Variants in LINC00305 observed in about 807,000 individuals in gnomAD.
LINC00305 encodes long intergenic non-protein coding RNA 305.
At chr18:64,112,488 T>C (rs1206738709) in intron 1 of LINC00305, among the ~76,000 whole-genome samples, 1 of 152,188 alleles carries the variant, frequency 6.6e-6, no homozygotes, top group African/African-American at 2.4e-5. Flanking sequence ...CATATGCATT[T>C]TCCTCAAAGA....
chr18:64,123,278 T>C (rs2051370159), intron 1 of LINC00305, among the ~76,000 whole-genome samples: 1 of 152,120 alleles, frequency 6.6e-6, no homozygotes, highest in African/African-American at 2.4e-5. Context: ...CCCTAGTTTA[T>C]CTCTTCTCTT....
chr18:64,139,187 A>G (rs150690351), intron 1 of LINC00305, among the ~76,000 whole-genome samples: 72 of 152,350 alleles, frequency 4.7e-4, no homozygotes, highest in African/African-American at 1.5e-3. Flanking sequence ...TAATCTCCTG[A>G]AAATCAAGGA....
chr18:64,121,309 G>A (rs768296251), intron 1 of LINC00305, among the ~76,000 whole-genome samples: 11 of 151,964 alleles, frequency 7.2e-5, no homozygotes, highest in Middle Eastern at 3.4e-3. Flanking sequence ...AATAACGTAC[G>A]CTGTACCCCA....
intron 1 of LINC00305, among the ~76,000 whole-genome samples, chr18:64,112,011 A>C (rs553009832): frequency 4.1e-4 from 63 of 152,264 alleles, no homozygotes; most frequent in Non-Finnish European, 7.8e-4. Context: ...TTTCCCCTTA[A>C]TATGTCGTGT....
chr18:64,125,125 G>A (rs1418007919), intron 1 of LINC00305, among the ~76,000 whole-genome samples: 4 of 152,052 alleles, frequency 2.6e-5, no homozygotes, highest in Non-Finnish European at 5.9e-5. Flanking sequence ...TTGAAATCTT[G>A]CTAAGACATG....
intron 1 of LINC00305, among the ~76,000 whole-genome samples, chr18:64,130,121 C>T (rs2051402909): frequency 6.6e-6 from 1 of 152,108 alleles, no homozygotes; most frequent in Admixed American, 6.6e-5. Flanking sequence ...CTACAACACT[C>T]TCTTTTACCC....
intron 1 of LINC00305, among the ~76,000 whole-genome samples, chr18:64,133,658 T>C (rs2051419859): frequency 1.3e-5 from 2 of 152,160 alleles, no homozygotes; most frequent in Non-Finnish European, 2.9e-5. Context: ...CACAGGCCTA[T>C]TTCTAGAGCC....
intron 1 of LINC00305, among the ~76,000 whole-genome samples, chr18:64,144,222 T>G (rs1339861629): frequency 1.3e-5 from 2 of 152,206 alleles, no homozygotes; most frequent in African/African-American, 4.8e-5. Context: ...TTATTTATGC[T>G]CTATAGAATT....
At chr18:64,143,390 A>T (rs906386350) in intron 1 of LINC00305, among the ~76,000 whole-genome samples, 1 of 151,432 alleles carries the variant, frequency 6.6e-6, no homozygotes, top group Non-Finnish European at 1.5e-5. Flanking sequence ...AAAAGCATTG[A>T]TGGTGTGTGT....
At chr18:64,130,976 T>C (rs1379196927) in intron 1 of LINC00305, among the ~76,000 whole-genome samples, 1 of 152,108 alleles carries the variant, frequency 6.6e-6, no homozygotes, top group Non-Finnish European at 1.5e-5. Context: ...ACAGAGGTGG[T>C]TGGCCATGGA....
intron 1 of LINC00305, among the ~76,000 whole-genome samples, chr18:64,116,476 C>G (rs1312091830): frequency 6.6e-6 from 1 of 152,190 alleles, no homozygotes; most frequent in African/African-American, 2.4e-5. Flanking sequence ...TTGAGTTCCT[C>G]TGTTTCTGCA....
chr18:64,106,052 G>T (rs937524273), intron 1 of LINC00305, among the ~76,000 whole-genome samples: 1 of 152,214 alleles, frequency 6.6e-6, no homozygotes, highest in Admixed American at 6.5e-5. Flanking sequence ...GGGAATACTA[G>T]CAATTTGTCA....
At chr18:64,138,515 C>G (rs1379108652) in intron 1 of LINC00305, among the ~76,000 whole-genome samples, 6 of 152,162 alleles carry the variant, frequency 3.9e-5, no homozygotes, top group East Asian at 3.8e-4. Context: ...GTTGACAGCC[C>G]TTTCTCAAGT....
intron 1 of LINC00305, among the ~76,000 whole-genome samples, chr18:64,103,482 C>T (rs12326601): frequency 0.26 from 39,070 of 152,066 alleles, 5,165 homozygotes; most frequent in Middle Eastern, 0.39. Flanking sequence ...GTCTTCAGCA[C>T]TCTCCAGTTT....
chr18:64,126,194 A>T (rs79074924), intron 1 of LINC00305, among the ~76,000 whole-genome samples: 58 of 152,134 alleles, frequency 3.8e-4, no homozygotes, highest in African/African-American at 1.3e-3. Flanking sequence ...CTCCTTCTTG[A>T]ATCTTCCCTC....
intron 1 of LINC00305, among the ~76,000 whole-genome samples, chr18:64,115,804 C>T (rs367983100): frequency 1.3e-3 from 192 of 152,220 alleles, no homozygotes; most frequent in Non-Finnish European, 2.1e-3. Context: ...TTAAAAGCTT[C>T]TTGCCAGTTT....
intron 3 of LINC00305, among the ~76,000 whole-genome samples, chr18:64,093,200 A>G (rs886368616): frequency 1.3e-5 from 2 of 152,254 alleles, no homozygotes; most frequent in Non-Finnish European, 2.9e-5. Context: ...ATGTATAAGT[A>G]TCTAGAGATA....
intron 1 of LINC00305, among the ~76,000 whole-genome samples, chr18:64,111,369 AG>A (rs2051313952): frequency 1.3e-5 from 2 of 152,178 alleles, no homozygotes; most frequent in African/African-American, 4.8e-5. Context: ...CTGTATGCCC[AG>A]ATTCCAGCCT....
At chr18:64,105,487 A>G (rs910860485) in intron 1 of LINC00305, among the ~76,000 whole-genome samples, 1 of 152,154 alleles carries the variant, frequency 6.6e-6, no homozygotes, top group Admixed American at 6.6e-5. Context: ...AAAAAAAGTT[A>G]TCTAGTGAAA....
Sources: gnomAD v4.1 joint callset for allele counts (sites outside exome capture counted in the v4.1 genomes callset) on GRCh38, gnomAD v4.1.1 for gene constraint, MANE v1.5 for transcripts, NCBI Gene and HGNC (gene_info 2026-07-23, HGNC 2026-07-21) for gene names.